The following RPGRIP1L variants were observed in gnomAD, a reference collection of about 807,000 sequenced individuals.
The protein encoded by RPGRIP1L is protein fantom.
RPGRIP1L carries 131 observed loss-of-function variants against 160.4 expected under a neutral mutation model. That is an observed-to-expected ratio of 0.82 (90% confidence interval 0.71 to 0.94). RPGRIP1L has a LOEUF of 0.94. RPGRIP1L is among the 40% of genes least tolerant of loss of function. The probability of loss-of-function intolerance (pLI) is 0.00; values close to 1 mark genes in which losing one functional copy is unlikely to be tolerated. For synonymous variants in RPGRIP1L, 510 were observed against 515.8 expected, an observed-to-expected ratio of 0.99 and a Z score of 0.15; for missense variants, 1,522 against 1,535.8, an observed-to-expected ratio of 0.99 and a Z score of 0.15.
intron 23 of RPGRIP1L, 51 bp downstream of exon 23, chr16:53,622,168 G>C: frequency 1.8e-6 from 1 of 552,000 alleles, no homozygotes; most frequent in Admixed American, 2.8e-5. Context: ...TTTGAGACCA[G>C]CATGGCCAAC....
intron 2 of RPGRIP1L, among the ~76,000 whole-genome samples, chr16:53,699,386 T>TAAAAAAAA (rs10652484): frequency 1.2e-4 from 9 of 77,406 alleles, no homozygotes; most frequent in Non-Finnish European, 1.8e-4. Flanking sequence ...GAATGATCAA[T>TAAAAAAAA]AAAAAAAAAA....
intron 25 of RPGRIP1L, among the ~76,000 whole-genome samples, chr16:53,606,180 A>G (rs1963671679): frequency 6.6e-6 from 1 of 152,204 alleles, no homozygotes; most frequent in Admixed American, 6.5e-5. Flanking sequence ...GTATTACTTG[A>G]GCAATCTTTA....
intron 17 of RPGRIP1L, among the ~76,000 whole-genome samples, chr16:53,641,922 T>C (rs889332237): frequency 6.6e-5 from 10 of 152,124 alleles, no homozygotes; most frequent in Non-Finnish European, 1.2e-4. Context: ...CTTTAAAATT[T>C]CAAATAATTT....
Position 53,692,267 on chromosome 16 carries a change from C to T in RPGRIP1L, c.328G>A (p.Glu110Lys). 6.2e-7 allele frequency: 1 copy of T among 1,614,142 alleles called. No homozygotes were observed. The highest frequency in any genetic ancestry group is 1.3e-5 in the African/African-American group (1 of 75,040). Residue 110 changes from glutamate to lysine, a missense_variant, in exon 4 of 27, where the codon GAA (glutamate) becomes AAA (lysine). Glu to Lys is a moderately conservative substitution (Grantham distance 56). Coordinates refer to ENST00000647211, the MANE Select transcript of RPGRIP1L (RefSeq NM_015272.5). The part of the protein sequence containing the change: ...KRLGRDVEME[E>K]MIEQLQEKVH... ...TTCTCTTGCAGCTGCTCAATCATTT[C>T]TTCCATTTCCACATCTCGTCCCAGC...
chr16:53,603,611 G>C (rs1012533074), intron 26 of RPGRIP1L, among the ~76,000 whole-genome samples: 1 of 152,106 alleles, frequency 6.6e-6, no homozygotes, highest in Non-Finnish European at 1.5e-5. Flanking sequence ...GATTACAGGT[G>C]TAAGCCACCA....
chr16:53,628,333 C>T (rs1965308632), intron 22 of RPGRIP1L: 1 of 152,266 alleles, frequency 6.6e-6, no homozygotes, highest in South Asian at 2.1e-4. Context: ...CAATCAGACT[C>T]AACCACTGGT....
rs1311281083 is a variant in RPGRIP1L at position 53,649,016 on chromosome 16, T to C, written c.2252A>G (p.Lys751Arg). 1 of 1,613,936 alleles carries C rather than the reference T, an allele frequency of 6.2e-7. No homozygotes were observed. The highest frequency in any genetic ancestry group is 1.3e-5 in the African/African-American group (1 of 74,932). ...QAIRLYRERAKALGYITSNFK... is the reference protein window; with the variant it reads ...QAIRLYRERARALGYITSNFK... ...ATTTGATGTTATATACCCCAAAGCCTTTGCCCTTTCTCGATAAAGTCGAAT... is the reference window on the plus strand; with the variant it reads ...ATTTGATGTTATATACCCCAAAGCCCTTGCCCTTTCTCGATAAAGTCGAAT... The change falls in exon 16 of 27, where the codon AAG (lysine) becomes AGG (arginine). Residue 751 changes from lysine (K) to arginine (R), a missense_variant. Transcript: ENST00000647211.
chr16:53,642,709 G>C (rs1002864515), intron 17 of RPGRIP1L, among the ~76,000 whole-genome samples: 1 of 152,166 alleles, frequency 6.6e-6, no homozygotes, highest in Non-Finnish European at 1.5e-5. Flanking sequence ...GAATCTGTGG[G>C]ACTGCTCTCA....
intron 21 of RPGRIP1L, 54 bp from the exon 22 acceptor site, chr16:53,636,566 T>A: frequency 1.7e-6 from 2 of 1,210,390 alleles, no homozygotes; most frequent in Non-Finnish European, 2.5e-6. Flanking sequence ...ATTCTACTTA[T>A]ACCCTGTAAA....
Position 53,649,129 on chromosome 16 carries a change from C to T in RPGRIP1L, c.2153-14G>A, listed in dbSNP as rs761842528. ...CTCCTTTTGTTCCTACAAATCAGTACATAACCCAAGGTTAAAATAGTTTCA... is the reference window on the plus strand; with the variant it reads ...CTCCTTTTGTTCCTACAAATCAGTATATAACCCAAGGTTAAAATAGTTTCA... On this transcript the variant is annotated splice_polypyrimidine_tract_variant and intron_variant, in intron 15 of 26. Coordinates refer to ENST00000647211, the MANE Select transcript of RPGRIP1L (RefSeq NM_015272.5). The T allele has an allele frequency of 1.2e-6, 2 of 1,612,618 alleles. No homozygotes were observed. The highest frequency in any genetic ancestry group is 1.7e-6 in the Non-Finnish European group (2 of 1,178,738).
chr16:53,606,014 A>G (rs1963659868), intron 25 of RPGRIP1L, among the ~76,000 whole-genome samples: 1 of 152,238 alleles, frequency 6.6e-6, no homozygotes, highest in East Asian at 1.9e-4. Flanking sequence ...GAAACGTAAC[A>G]TTTCCTATAG....
intron 24 of RPGRIP1L, 31 bp from the exon 25 acceptor site, chr16:53,611,082 G>A: frequency 3.4e-6 from 5 of 1,475,596 alleles, no homozygotes; most frequent in Non-Finnish European, 4.7e-6. Context: ...ATGCCAAAAA[G>A]GAAGTCACTC....
At position 53,665,072 on chromosome 16, in the gene RPGRIP1L, G is replaced by A. The variant is rs971510713; in HGVS notation, c.1104-63C>T. 12 of 1,600,094 alleles carry A rather than the reference G, an allele frequency of 7.5e-6. No individual in the cohort carries two copies. In the African/African-American group the frequency reaches 1.3e-4, roughly 18 times the overall value. On this transcript the variant is annotated intron_variant, in intron 9 of 26. Coordinates refer to ENST00000647211, the MANE Select transcript of RPGRIP1L (RefSeq NM_015272.5). ...ATCAGCTTCAACCGAAAATAATAAA[G>A]AGAAAAGCTTTTAGTGGCGCAGAGA...
chr16:53,677,075 G>A (rs1483991307), intron 6 of RPGRIP1L, among the ~76,000 whole-genome samples: 2 of 152,096 alleles, frequency 1.3e-5, no homozygotes, highest in Non-Finnish European at 2.9e-5. Flanking sequence ...TTTTTTGTAA[G>A]GCAGAAACCA....
chr16:53,651,341 G>A (rs1411241952), intron 15 of RPGRIP1L, among the ~76,000 whole-genome samples: 1 of 152,028 alleles, frequency 6.6e-6, no homozygotes, highest in Admixed American at 6.5e-5. Flanking sequence ...AGCCACCATC[G>A]TCTTTCCTTG....
chr16:53,658,028 A>G (rs983384806), intron 12 of RPGRIP1L, among the ~76,000 whole-genome samples: 1 of 152,182 alleles, frequency 6.6e-6, no homozygotes, highest in Non-Finnish European at 1.5e-5. Context: ...TCTTCTTGAG[A>G]TATTTATAAT....
intron 6 of RPGRIP1L, among the ~76,000 whole-genome samples, chr16:53,683,661 A>G (rs1483810669): frequency 6.6e-5 from 10 of 151,238 alleles, no homozygotes; most frequent in African/African-American, 2.4e-5. Context: ...GGTTCAATAT[A>G]CTATTCTCTA....
At chr16:53,690,711 TCA>T (rs1458277907) in intron 4 of RPGRIP1L, among the ~76,000 whole-genome samples, 1 of 152,160 alleles carries the variant, frequency 6.6e-6, no homozygotes, top group Non-Finnish European at 1.5e-5. Context: ...AAACTAAGGT[TCA>T]GAGAGGATAG....
chr16:53,658,897 A>T lies in RPGRIP1L; in HGVS notation c.1244-19T>A. 6.9e-7 allele frequency: 1 copy of T among 1,456,358 alleles called. No homozygotes were observed. The highest frequency in any genetic ancestry group is 9.6e-7 in the Non-Finnish European group (1 of 1,046,256). 90.2% of individuals were successfully genotyped at this position (1,456,358 alleles called of 1,614,324 possible). On this transcript the variant is annotated intron_variant, in intron 10 of 26. Transcript: ENST00000647211. ...TTTTGATCTTAAAAATAAAGTCCAC[A>T]CAATTGGAAAGGTAAGTAAAAATCA...
Sources: allele counts gnomAD v4.1 joint callset (sites outside exome capture counted in the v4.1 genomes callset), GRCh38; gene constraint gnomAD v4.1.1; transcripts MANE v1.5; gene names NCBI Gene and HGNC (gene_info 2026-07-23, HGNC 2026-07-21).